The following SOX5 variants were observed in gnomAD, a reference collection of about 807,000 sequenced individuals.
SOX5 encodes SRY-box transcription factor 5, also known as transcription factor SOX-5.
In SOX5, 9 loss-of-function variants were observed where a neutral mutation model predicts 92.0. That is an observed-to-expected ratio of 0.10 (90% CI 0.06 to 0.17). The LOEUF (loss-of-function observed/expected upper bound fraction) is 0.17. SOX5 is among the 10% of genes least tolerant of loss of function. The pLI is 1.00. For synonymous variants in SOX5, 344 were observed against 336.3 expected (o/e 1.02, Z -0.25); for missense variants, 642 against 944.5 (o/e 0.68, Z 4.20).
At chr12:23,903,057 C>A (rs977753746) in intron 1 of SOX5, among the ~76,000 whole-genome samples, 1 of 152,076 alleles carries the variant, frequency 6.6e-6, no homozygotes, top group African/African-American at 2.4e-5. Flanking sequence ...GAAATATATA[C>A]CTACTCATCC....
At chr12:24,136,469 A>G (rs1280242675) in intron 4 of SOX5, among the ~76,000 whole-genome samples, 1 of 152,256 alleles carries the variant, frequency 6.6e-6, no homozygotes, top group African/African-American at 2.4e-5. Context: ...TAGCTATGTA[A>G]CTTGGCAATT....
At chr12:23,933,347 T>C (rs559459533) in intron 1 of SOX5, among the ~76,000 whole-genome samples, 2 of 151,730 alleles carry the variant, frequency 1.3e-5, no homozygotes, top group African/African-American at 4.8e-5. Flanking sequence ...CTATCCATGG[T>C]TTCAGGCATC....
At chr12:23,994,925 T>G (rs1170599791) in intron 4 of SOX5, among the ~76,000 whole-genome samples, 6 of 152,164 alleles carry the variant, frequency 3.9e-5, no homozygotes, top group Middle Eastern at 3.2e-3. Flanking sequence ...CTAGAACAAT[T>G]GGATCACAAA....
At chr12:24,048,614 C>G (rs1457441855) in intron 4 of SOX5, among the ~76,000 whole-genome samples, 1 of 152,078 alleles carries the variant, frequency 6.6e-6, no homozygotes. Flanking sequence ...CCCAGATATC[C>G]ATCAACTGAT....
chr12:24,353,326 C>T (rs967526209), intron 2 of SOX5, among the ~76,000 whole-genome samples: 13 of 152,140 alleles, frequency 8.5e-5, no homozygotes, highest in African/African-American at 3.1e-4. Flanking sequence ...GTCTTCGTTT[C>T]CCGTAAAGAA....
intron 4 of SOX5, among the ~76,000 whole-genome samples, chr12:24,060,487 T>G (rs1252284725): frequency 1.3e-5 from 2 of 152,190 alleles, no homozygotes; most frequent in Non-Finnish European, 1.5e-5. Flanking sequence ...TTAGGCAAAG[T>G]TCTTACATTT....
At chr12:23,925,961 C>A (rs769281530) in intron 1 of SOX5, among the ~76,000 whole-genome samples, 17 of 152,036 alleles carry the variant, frequency 1.1e-4, no homozygotes, top group Non-Finnish European at 2.5e-4. Context: ...ACCAATATAA[C>A]CATACTGGTT....
intron 4 of SOX5, among the ~76,000 whole-genome samples, chr12:24,027,972 C>G (rs1447039919): frequency 6.6e-6 from 1 of 151,990 alleles, no homozygotes; most frequent in Non-Finnish European, 1.5e-5. Context: ...CTGCGTTGAT[C>G]ATTGTGCTCC....
At chr12:23,670,888 C>T (rs1222002432) in intron 6 of SOX5, among the ~76,000 whole-genome samples, 1 of 152,002 alleles carries the variant, frequency 6.6e-6, no homozygotes, top group Non-Finnish European at 1.5e-5. Context: ...ATCAGATCTC[C>T]CTTTTCTGTG....
intron 1 of SOX5, among the ~76,000 whole-genome samples, chr12:24,466,576 TAGTTGGCATGG>T (rs1339536935): frequency 6.6e-6 from 1 of 152,236 alleles, no homozygotes; most frequent in Non-Finnish European, 1.5e-5. Flanking sequence ...GGTAGCCCAC[TAGTTGGCATGG>T]AGTAGAAGTA....
chr12:24,305,637 G>A (rs954767820), intron 2 of SOX5, among the ~76,000 whole-genome samples: 17 of 151,974 alleles, frequency 1.1e-4, no homozygotes, highest in Non-Finnish European at 7.4e-5. Flanking sequence ...TCGCTCTCTC[G>A]CCCAGGCTGG....
At chr12:24,461,406 T>A (rs1170467518) in intron 1 of SOX5, among the ~76,000 whole-genome samples, 3 of 152,214 alleles carry the variant, frequency 2.0e-5, no homozygotes, top group Admixed American at 2.0e-4. Flanking sequence ...ACAATTGATA[T>A]GAAGTGATGG....
intron 4 of SOX5, among the ~76,000 whole-genome samples, chr12:24,035,445 T>C (rs1479871812): frequency 6.6e-6 from 1 of 152,082 alleles, no homozygotes; most frequent in African/African-American, 2.4e-5. Flanking sequence ...TTTCCTAACA[T>C]GCCACTTGAA....
chr12:24,284,614 C>T (rs1595158854), intron 2 of SOX5, among the ~76,000 whole-genome samples: 1 of 152,188 alleles, frequency 6.6e-6, no homozygotes, highest in Non-Finnish European at 1.5e-5. Context: ...TTCCTGGCTT[C>T]CTGCCTCAGG....
At chr12:24,432,815 A>T (rs764650048) in intron 1 of SOX5, among the ~76,000 whole-genome samples, 8 of 152,194 alleles carry the variant, frequency 5.3e-5, no homozygotes, top group Non-Finnish European at 1.0e-4. Flanking sequence ...TCTAAAAAAA[A>T]CATCCAGGAT....
At chr12:23,928,924 T>C (rs552456611) in intron 1 of SOX5, among the ~76,000 whole-genome samples, 3 of 152,018 alleles carry the variant, frequency 2.0e-5, no homozygotes, top group African/African-American at 7.2e-5. Context: ...TGTCAATTCA[T>C]TATCAATTAG....
chr12:24,220,661 C>A (rs924802858), intron 3 of SOX5, among the ~76,000 whole-genome samples: 1 of 152,166 alleles, frequency 6.6e-6, no homozygotes, highest in Non-Finnish European at 1.5e-5. Context: ...GCACACAGAT[C>A]TCTACTGGTG....
chr12:23,798,905 C>T (rs1383985591), intron 3 of SOX5, among the ~76,000 whole-genome samples: 2 of 151,894 alleles, frequency 1.3e-5, no homozygotes, highest in African/African-American at 2.4e-5. Context: ...CATAACAACC[C>T]TATTGTATAC....
intron 4 of SOX5, among the ~76,000 whole-genome samples, chr12:24,126,861 A>G (rs1267224420): frequency 2.0e-5 from 3 of 151,986 alleles, no homozygotes; most frequent in Non-Finnish European, 2.9e-5. Context: ...ACCTTCACAC[A>G]AATGTCTCCC....
Sources: gnomAD v4.1 joint callset for allele counts (sites outside exome capture counted in the v4.1 genomes callset) on GRCh38, gnomAD v4.1.1 for gene constraint, MANE v1.5 for transcripts, NCBI Gene and HGNC (gene_info 2026-07-23, HGNC 2026-07-21) for gene names.